The following UBE2R2 variants were observed in gnomAD, a reference collection of about 807,000 sequenced individuals.
UBE2R2 encodes the protein ubiquitin conjugating enzyme E2 R2, also known as ubiquitin-conjugating enzyme E2 R2.
A neutral mutation model predicts 27.8 loss-of-function variants in UBE2R2; 1 was observed. The ratio of observed to expected loss-of-function variants is 0.04; its 90% confidence interval spans 0.01 to 0.17. The LOEUF (loss-of-function observed/expected upper bound fraction) is 0.17, where lower values mean the gene tolerates loss of function less well. UBE2R2 is among the 10% of genes least tolerant of loss of function. The pLI is 1.00. For synonymous variants in UBE2R2, 106 were observed against 113.3 expected (o/e 0.94, Z 0.41); for missense variants, 100 against 291.0 (o/e 0.34, Z 4.78).
rs891246632 is a variant in UBE2R2 at position 33,919,781 on chromosome 9, G to C, written c.*2544G>C. On this transcript the variant is annotated 3_prime_UTR_variant, in exon 5 of 5. Coordinates refer to ENST00000263228, the MANE Select transcript of UBE2R2 (RefSeq NM_017811.4). ...TCAGGCTCAATCCGGAACCATGTAC[G>C]TACAGTTTTGCTTATTATTTGATGT... 1 of 151,916 alleles carries C rather than the reference G, an allele frequency of 6.6e-6. No individual in the cohort carries two copies. The highest frequency in any genetic ancestry group is 2.4e-5 in the African/African-American group (1 of 41,348). 9.4% of individuals were successfully genotyped at this position (151,916 alleles called of 1,614,324 possible).
intron 1 of UBE2R2, among the ~76,000 whole-genome samples, chr9:33,873,901 C>G (rs1451235340): frequency 6.6e-6 from 1 of 151,966 alleles, no homozygotes; most frequent in African/African-American, 2.4e-5. Flanking sequence ...CCTTGGCCTC[C>G]CAAAGTGCTA....
intron 2 of UBE2R2, among the ~76,000 whole-genome samples, chr9:33,890,383 ATGGTGAAACCCCGTCTT>A (rs1419999489): frequency 2.6e-5 from 4 of 152,144 alleles, no homozygotes; most frequent in African/African-American, 7.2e-5. Flanking sequence ...CCTGGTCAAC[ATGGTGAAACCCCGTCTT>A]TACTAAAAAT....
At position 33,875,798 on chromosome 9, in the gene UBE2R2, A is replaced by G. The variant is rs117416053; in HGVS notation, c.178-11083A>G. On this transcript the variant is annotated intron_variant, in intron 1 of 4. Coordinates refer to ENST00000263228, the MANE Select transcript of UBE2R2 (RefSeq NM_017811.4). Reference sequence around the variant, plus strand: ...TAGAAAAATGTAAATTAAATAGTCAAGAATCATGCCAGGGCTACAACACAG... The same window carrying G: ...TAGAAAAATGTAAATTAAATAGTCAGGAATCATGCCAGGGCTACAACACAG... Among the ~76,000 whole-genome samples, 189 of 152,344 alleles carry G rather than the reference A, an allele frequency of 1.2e-3. 3 individuals carry two copies. The East Asian group carries it at 0.031, about 25-fold the overall frequency.
At chr9:33,900,381 T>A in intron 3 of UBE2R2, 110 bp downstream of exon 3, 1 of 739,520 alleles carries the variant, frequency 1.4e-6, no homozygotes, top group Non-Finnish European at 2.2e-6. Flanking sequence ...ATCTTTCTTA[T>A]ATTCAGTTTC....
chr9:33,919,156 A>G lies in UBE2R2; in HGVS notation c.*1919A>G, dbSNP rs1822734663. 6.6e-6 allele frequency: 1 copy of G among 152,172 alleles called. No homozygotes were observed. Among genetic ancestry groups the G allele is most frequent in the Non-Finnish European group, 1.5e-5 (1 of 68,032 alleles). The allele number at this position is 152,172 out of a possible 1,614,324, so 9.4% of individuals were successfully genotyped here. On this transcript the variant is annotated 3_prime_UTR_variant, in exon 5 of 5. Transcript: ENST00000263228. ...ATGGAACAGAGCAGCTTCGTAATAC[A>G]TTGTCAAGTTACCTGATTACAAACT...
chr9:33,885,920 G>C (rs1821843169), intron 1 of UBE2R2, among the ~76,000 whole-genome samples: 1 of 152,192 alleles, frequency 6.6e-6, no homozygotes, highest in Non-Finnish European at 1.5e-5. Flanking sequence ...CAGCAAAGGT[G>C]TGAGAAACAA....
chr9:33,841,472 A>G (rs1587437186), intron 1 of UBE2R2, among the ~76,000 whole-genome samples: 1 of 152,088 alleles, frequency 6.6e-6, no homozygotes, highest in Admixed American at 6.6e-5. Flanking sequence ...GCTATCTGGT[A>G]TGACCAGGTG....
intron 1 of UBE2R2, among the ~76,000 whole-genome samples, chr9:33,859,479 A>G (rs1821176182): frequency 6.6e-6 from 1 of 152,192 alleles, no homozygotes; most frequent in African/African-American, 2.4e-5. Context: ...AAATGCCTAC[A>G]AGAATGGTTT....
intron 1 of UBE2R2, among the ~76,000 whole-genome samples, chr9:33,856,350 CAGT>C (rs1265145718): frequency 1.3e-5 from 2 of 152,042 alleles, no homozygotes; most frequent in Non-Finnish European, 2.9e-5. Flanking sequence ...TGATGTGAAA[CAGT>C]AGTTTCTTGC....
At chr9:33,829,793 GTTTT>G (rs36079457) in intron 1 of UBE2R2, among the ~76,000 whole-genome samples, 1 of 97,186 alleles carries the variant, frequency 1.0e-5, no homozygotes. Context: ...TAGTGCAATC[GTTTT>G]TTTTTTTTTT....
chr9:33,887,055 CT>C, intron 2 of UBE2R2, 88 bp downstream of exon 2: 1 of 1,071,010 alleles, frequency 9.3e-7, no homozygotes, highest in Non-Finnish European at 1.4e-6. Flanking sequence ...CACTTTGATA[CT>C]TAGGCTTTTG....
At chr9:33,912,166 A>C in intron 4 of UBE2R2, 68 bp downstream of exon 4, 1 of 1,354,370 alleles carries the variant, frequency 7.4e-7, no homozygotes, top group South Asian at 1.3e-5. Flanking sequence ...CAAGGGTTTA[A>C]ATCAAACTTA....
chr9:33,826,261 C>G (rs1820313758), intron 1 of UBE2R2, among the ~76,000 whole-genome samples: 1 of 151,888 alleles, frequency 6.6e-6, no homozygotes, highest in Non-Finnish European at 1.5e-5. Context: ...GCTTATGTAC[C>G]TCAAAATTAG....
chr9:33,842,981 C>T (rs1036463084), intron 1 of UBE2R2, among the ~76,000 whole-genome samples: 1 of 141,626 alleles, frequency 7.1e-6, no homozygotes, highest in African/African-American at 2.7e-5. Flanking sequence ...GATCGTGCTA[C>T]TGCATGGCAG....
At chr9:33,904,032 A>G (rs1275366599) in intron 3 of UBE2R2, among the ~76,000 whole-genome samples, 6 of 152,140 alleles carry the variant, frequency 3.9e-5, no homozygotes, top group African/African-American at 1.2e-4. Flanking sequence ...TGTTTTGTAC[A>G]CTTTTTGGAA....
At chr9:33,824,907 T>G (rs999484739) in intron 1 of UBE2R2, among the ~76,000 whole-genome samples, 2 of 152,134 alleles carry the variant, frequency 1.3e-5, no homozygotes, top group African/African-American at 4.8e-5. Flanking sequence ...CATTGAAATC[T>G]TTTGGTAAAT....
chr9:33,862,358 T>C (rs371875342), intron 1 of UBE2R2, among the ~76,000 whole-genome samples: 17 of 152,324 alleles, frequency 1.1e-4, no homozygotes, highest in African/African-American at 3.1e-4. Context: ...TCTTTCGTTA[T>C]GTTAGCCGCC....
intron 1 of UBE2R2, among the ~76,000 whole-genome samples, chr9:33,823,822 A>T (rs1438408697): frequency 2.0e-5 from 3 of 152,222 alleles, no homozygotes; most frequent in Non-Finnish European, 2.9e-5. Context: ...TGAGCTAAGA[A>T]TCCTCTTGTA....
intron 1 of UBE2R2, among the ~76,000 whole-genome samples, chr9:33,864,721 ATTTTTTT>A (rs532796406): frequency 2.3e-5 from 3 of 132,172 alleles, no homozygotes; most frequent in Admixed American, 7.7e-5. Flanking sequence ...CTAACTTTTA[ATTTTTTT>A]TTTTTTTTTT....
Sources: allele counts gnomAD v4.1 joint callset (sites outside exome capture counted in the v4.1 genomes callset), GRCh38; gene constraint gnomAD v4.1.1; transcripts MANE v1.5; gene names NCBI Gene and HGNC (gene_info 2026-07-23, HGNC 2026-07-21).